Variants in GPATCH11 observed in about 807,000 individuals in gnomAD.
GPATCH11 encodes the protein G-patch domain containing 11.
In GPATCH11, 32 loss-of-function variants were observed where a neutral mutation model predicts 44.8. The ratio of observed to expected loss-of-function variants is 0.71; its 90% CI spans 0.54 to 0.96. GPATCH11 has a LOEUF of 0.96. GPATCH11 is among the 40% of genes least tolerant of loss of function. GPATCH11 has a pLI of 0.00. For synonymous variants in GPATCH11, 84 were observed against 94.4 expected (o/e 0.89, Z 0.64); for missense variants, 324 against 303.1 (o/e 1.07, Z -0.51).
Position 37,096,971 on chromosome 2 carries a change from T to C in GPATCH11, c.*708T>C, listed in dbSNP as rs962430265. 2.0e-5 allele frequency: 3 copies of C among 152,174 alleles called. No homozygotes were observed. Among genetic ancestry groups the C allele is most frequent in the African/African-American group, 7.2e-5 (3 of 41,434 alleles). The allele number at this position is 152,174 out of a possible 1,614,324, so 9.4% of individuals were successfully genotyped here. The stretch of plus-strand genomic sequence containing the variant: ...AAAGTATTCCCCTCAATAAGGCTGA[T>C]GTCAGAGGCAATGTTCGACCAGTAC... On this transcript the variant is annotated 3_prime_UTR_variant, in exon 9 of 9. Transcript: ENST00000674370.
In GPATCH11 at chr2:37,092,210, T is replaced by C. The variant is rs1411195671; in HGVS notation, c.495T>C (p.Asp165=). 6.5e-7 allele frequency: 1 copy of C among 1,547,786 alleles called. No individual in the cohort carries two copies. Among genetic ancestry groups the C allele is most frequent in the East Asian group, 2.3e-5 (1 of 43,212 alleles). Residue 165 remains aspartate (D), a synonymous_variant, in exon 6 of 9, where the codon GAT becomes GAC. Transcript: ENST00000674370. ...AAGATGAAATGAAGCTAGAAGGAGA[T>C]CTCAGAAGAAGCCAGCGAGCCTGTC... ...NKQDEMKLEG[D]LRRSQRACQQ...
At chr2:37,092,961 C>T (rs189817385) in intron 6 of GPATCH11, among the ~76,000 whole-genome samples, 84 of 152,196 alleles carry the variant, frequency 5.5e-4, no homozygotes, top group African/African-American at 1.9e-3. Flanking sequence ...GCCTGGATAA[C>T]ATTTCAAGAC....
At chr2:37,089,889 C>A in intron 3 of GPATCH11, 23 bp downstream of exon 3, 1 of 1,481,014 alleles carries the variant, frequency 6.8e-7, no homozygotes, top group Non-Finnish European at 9.2e-7. Flanking sequence ...TGGAAATAAA[C>A]AGGTATTCCT....
chr2:37,094,411 A>C, intron 7 of GPATCH11: 1 of 422,118 alleles, frequency 2.4e-6, no homozygotes. Flanking sequence ...GGGAAAAATA[A>C]CCCCTGGTTG....
In GPATCH11 at chr2:37,090,593, T is replaced by C. The variant is rs1673268762; in HGVS notation, c.287-88T>C. The C allele has an allele frequency of 4.5e-6, 3 of 665,324 alleles. No homozygotes were observed. The African/African-American group carries it at 5.6e-5, about 12-fold the overall frequency. The allele number at this position is 665,324 out of a possible 1,614,324, so 41.2% of individuals were successfully genotyped here. On this transcript the variant is annotated intron_variant, in intron 3 of 8. Transcript: ENST00000674370. ...AATATCATTGAAACAGGAGGGCATA[T>C]GCATAGAGCATTGTAAAGTTGCATA...
chr2:37,088,430 A>G lies in GPATCH11; in HGVS notation c.49A>G (p.Ile17Val), dbSNP rs1180672799. ...AGAGGACTATATGTCTGATTCCTTC[A>G]TTAATGTCCAGTAAGTAAATGTGCA... ...EEEDYMSDSF[I>V]NVQEDIRPGL... is the part of the protein sequence containing the mutation. The change falls in exon 2 of 9, where the codon ATT (isoleucine) becomes GTT (valine). Residue 17 changes from isoleucine (I) to valine (V), a missense_variant. Transcript: ENST00000674370. 1 of 1,551,980 alleles carries G rather than the reference A, an allele frequency of 6.4e-7. No individual in the cohort carries two copies. The highest frequency in any genetic ancestry group is 1.7e-5 in the Admixed American group (1 of 59,362).
At chr2:37,091,014 T>C (rs1040841325) in intron 4 of GPATCH11, among the ~76,000 whole-genome samples, 2 of 152,172 alleles carry the variant, frequency 1.3e-5, no homozygotes, top group Non-Finnish European at 2.9e-5. Context: ...GGGAGGCCGA[T>C]GCAGAAGGAT....
intron 2 of GPATCH11, among the ~76,000 whole-genome samples, 200 bp from the exon 3 acceptor site, chr2:37,089,440 G>A (rs1337825419): frequency 2.0e-5 from 3 of 152,056 alleles, no homozygotes; most frequent in Non-Finnish European, 2.9e-5. Context: ...GGTCGTGGGC[G>A]CCTGTAATCT....
Position 37,090,719 on chromosome 2 carries a change from AC to A in GPATCH11, c.326del (p.Thr109LysfsTer12). On this transcript the variant is annotated frameshift_variant and splice_region_variant, in exon 4 of 9. Transcript: ENST00000674370. LOFTEE classifies it high-confidence loss of function. ...TGAACCAATTCCTCTCAATATCAAA[AC>A]AGGTACGTAATTATTTTGGAGCATA... ...IVEPIPLNIK[T>X]GKSGIGHEAS... is the part of the protein sequence containing the mutation. The A allele has an allele frequency of 7.0e-7, 1 of 1,423,532 alleles. No homozygotes were observed. The highest frequency in any genetic ancestry group is 1.4e-5 in the African/African-American group (1 of 70,974). 88.2% of individuals were successfully genotyped at this position (1,423,532 alleles called of 1,614,324 possible). A position where few individuals can be genotyped will look rare whatever the true frequency, so the allele number is the denominator to read the frequency against.
At chr2:37,085,159 G>A (rs986782230) in intron 1 of GPATCH11, among the ~76,000 whole-genome samples, 1 of 152,180 alleles carries the variant, frequency 6.6e-6, no homozygotes, top group African/African-American at 2.4e-5. Flanking sequence ...AATAGAAAGA[G>A]AGCTTTAAAA....
At chr2:37,093,578 C>T (rs1673433257) in intron 6 of GPATCH11, among the ~76,000 whole-genome samples, 2 of 152,148 alleles carry the variant, frequency 1.3e-5, no homozygotes, top group African/African-American at 4.8e-5. Context: ...ATCTTTCCTG[C>T]TAGACTGTCA....
At chr2:37,088,530 T>G in intron 2 of GPATCH11, 90 bp downstream of exon 2, 1 of 716,252 alleles carries the variant, frequency 1.4e-6, no homozygotes, top group East Asian at 2.9e-5. Flanking sequence ...TATTTTATTT[T>G]TTTGAGACAG....
At chr2:37,092,732 T>C (rs1673394940) in intron 6 of GPATCH11, among the ~76,000 whole-genome samples, 1 of 152,210 alleles carries the variant, frequency 6.6e-6, no homozygotes, top group Admixed American at 6.5e-5. Flanking sequence ...AATTGTTCTC[T>C]GCTTATTTGA....
intron 1 of GPATCH11, among the ~76,000 whole-genome samples, chr2:37,086,668 G>A (rs1673066816): frequency 6.6e-6 from 1 of 152,040 alleles, no homozygotes; most frequent in African/African-American, 2.4e-5. Context: ...GTGTGGTGGT[G>A]GATGCCTGTA....
chr2:37,088,560 G>T lies in GPATCH11; in HGVS notation c.59+120G>T. The T allele has an allele frequency of 7.1e-6, 4 of 561,108 alleles. No individual in the cohort carries two copies. The Admixed American group carries it at 1.2e-4, about 17-fold the overall frequency. 34.8% of individuals were successfully genotyped at this position (561,108 alleles called of 1,614,324 possible). On this transcript the variant is annotated intron_variant, in intron 2 of 8. Transcript: ENST00000674370. ...AGACAGGGTCTCATTCTGTTAGCAAGGCTGGAGTGCAGTGGCACAATCTTA... is the reference window on the plus strand; with the variant it reads ...AGACAGGGTCTCATTCTGTTAGCAATGCTGGAGTGCAGTGGCACAATCTTA...
At chr2:37,087,044 GC>G (rs1287848991) in intron 1 of GPATCH11, among the ~76,000 whole-genome samples, 1 of 152,170 alleles carries the variant, frequency 6.6e-6, no homozygotes, top group East Asian at 1.9e-4. Context: ...CCTTCATGGG[GC>G]CAAGAAGATG....
At chr2:37,095,773 ATGAATGTTTT>A in intron 8 of GPATCH11, among the ~76,000 whole-genome samples, 2 of 152,212 alleles carry the variant, frequency 1.3e-5, no homozygotes, top group African/African-American at 4.8e-5. Flanking sequence ...CCTGAGAATG[ATGAATGTTTT>A]GTGCTTTATT....
chr2:37,084,803 T>A (rs1227192338), intron 1 of GPATCH11, among the ~76,000 whole-genome samples: 1 of 152,112 alleles, frequency 6.6e-6, no homozygotes. Flanking sequence ...GGTCCATTTC[T>A]CCACTTGTAT....
Position 37,095,521 on chromosome 2 carries a change from A to C in GPATCH11, c.736+3A>C. On this transcript the variant is annotated splice_donor_region_variant and intron_variant, in intron 8 of 8. Transcript: ENST00000674370. ...TTGGTGTGGAACAGCCTATGAAGGT[A>C]AGAAAATTACTTTATGCTTTTTAAA... 1 of 1,582,766 alleles carries C rather than the reference A, an allele frequency of 6.3e-7. No homozygotes were observed. Among genetic ancestry groups the C allele is most frequent in the Non-Finnish European group, 8.6e-7 (1 of 1,169,468 alleles).
Sources: gnomAD v4.1 joint callset for allele counts (sites outside exome capture counted in the v4.1 genomes callset) on GRCh38, gnomAD v4.1.1 for gene constraint, MANE v1.5 for transcripts, NCBI Gene and HGNC (gene_info 2026-07-23, HGNC 2026-07-21) for gene names.